Variants in COP1 observed in about 807,000 individuals in gnomAD.
The protein encoded by COP1 is E3 ubiquitin-protein ligase COP1.
Under a neutral mutation model 101.3 loss-of-function variants are expected in COP1, and 24 were observed. The ratio of observed to expected loss-of-function variants is 0.24; its 90% CI spans 0.17 to 0.33. COP1 has a LOEUF of 0.33. Among genes scored for constraint, COP1 ranks in the 10% least tolerant of loss-of-function variants. The pLI is 1.00. For missense variants in COP1, 663 were observed against 906.2 expected (o/e 0.73, Z 3.45); for synonymous variants, 347 against 341.9 (o/e 1.01, Z -0.17).
chr1:176,002,826 T>C (rs1389943270), intron 15 of COP1, among the ~76,000 whole-genome samples: 12 of 151,172 alleles, frequency 7.9e-5, no homozygotes, highest in South Asian at 4.2e-4. Flanking sequence ...TACGTGTGCA[T>C]GTGTCTTTAT....
At position 175,986,950 on chromosome 1, in the gene COP1, G is replaced by T. The variant is rs756790621; in HGVS notation, c.2126C>A (p.Pro709Gln). The change falls in exon 18 of 20, where the codon CCA becomes CAA. Residue 709 changes from proline to glutamine, a missense_variant. This residue lies in a region of COP1 where 209 missense variants were observed against 383.3 expected (regional missense o/e 0.55). Transcript: ENST00000367669. ...FVSAVCWRAL[P>Q]DGESNVLIAA... ...ACTGATATGAAAACTTACCCCATCT[G>T]GTAGTGCCCTCCAGCACACAGCACT... The T allele has an allele frequency of 1.3e-6, 2 of 1,591,580 alleles. No individual in the cohort carries two copies. Among genetic ancestry groups the T allele is most frequent in the Non-Finnish European group, 1.7e-6 (2 of 1,172,778 alleles).
rs1687033244 is a variant in COP1 at position 176,121,023 on chromosome 1, C to T, written c.969-4342G>A. Among the ~76,000 whole-genome samples the T allele has an allele frequency of 2.6e-5, 4 of 151,888 alleles. No individual in the cohort carries two copies. In the South Asian group the frequency reaches 8.3e-4, roughly 31 times the overall value. ...GAGAGTCCAAAATGCCATGTACTCA[C>T]ATAAAATTAGACTATTATCATTGAT... On this transcript the variant is annotated intron_variant, in intron 8 of 19. Transcript: ENST00000367669.
At chr1:176,019,801 C>G (rs1666407065) in intron 15 of COP1, among the ~76,000 whole-genome samples, 1 of 151,916 alleles carries the variant, frequency 6.6e-6, no homozygotes, top group Non-Finnish European at 1.5e-5. Flanking sequence ...GCAGAGGCTG[C>G]AGTGAGCCAA....
intron 11 of COP1, among the ~76,000 whole-genome samples, chr1:176,068,041 T>A (rs1676321656): frequency 6.6e-6 from 1 of 152,192 alleles, no homozygotes; most frequent in Non-Finnish European, 1.5e-5. Context: ...TGGTGGGGAA[T>A]GTTGGTAATG....
intron 3 of COP1, among the ~76,000 whole-genome samples, chr1:176,170,412 T>A (rs944076612): frequency 6.6e-6 from 1 of 152,244 alleles, no homozygotes; most frequent in Non-Finnish European, 1.5e-5. Flanking sequence ...CCTTGATTTA[T>A]GGGCTACAGA....
intron 8 of COP1, among the ~76,000 whole-genome samples, chr1:176,130,020 T>C (rs1688640192): frequency 6.6e-6 from 1 of 151,694 alleles, no homozygotes. Context: ...AATAATAAAC[T>C]AAATAATATT....
chr1:176,010,274 T>G (rs1664412805), intron 15 of COP1, among the ~76,000 whole-genome samples: 1 of 152,122 alleles, frequency 6.6e-6, no homozygotes, highest in Non-Finnish European at 1.5e-5. Flanking sequence ...ACAAAACCTT[T>G]CCTATGTACA....
At chr1:176,093,736 A>G (rs1681786515) in intron 9 of COP1, among the ~76,000 whole-genome samples, 1 of 152,190 alleles carries the variant, frequency 6.6e-6, no homozygotes, top group Non-Finnish European at 1.5e-5. Flanking sequence ...GCTACTTGGG[A>G]GGCTCAGGCA....
chr1:176,006,998 G>C (rs1001070858), intron 15 of COP1, among the ~76,000 whole-genome samples: 1 of 152,098 alleles, frequency 6.6e-6, no homozygotes, highest in Admixed American at 6.6e-5. Flanking sequence ...ATCAGATGTA[G>C]ATTTGGTCTT....
At chr1:176,060,338 T>A (rs568244931) in intron 11 of COP1, among the ~76,000 whole-genome samples, 5 of 152,302 alleles carry the variant, frequency 3.3e-5, no homozygotes, top group African/African-American at 1.2e-4. Flanking sequence ...CCCTTTAAAA[T>A]CAATATACTT....
chr1:176,187,401 ACGTG>A (rs778927808), intron 1 of COP1, among the ~76,000 whole-genome samples: 11 of 54,326 alleles, frequency 2.0e-4, no homozygotes, highest in Non-Finnish European at 3.3e-4. Context: ...ATATAAATAT[ACGTG>A]TGTGTGTGTG....
intron 3 of COP1, among the ~76,000 whole-genome samples, chr1:176,172,856 G>T (rs1696293664): frequency 6.6e-6 from 1 of 152,170 alleles, no homozygotes; most frequent in Non-Finnish European, 1.5e-5. Flanking sequence ...TAAGACCTTA[G>T]GATTTGGCTA....
chr1:176,165,741 G>A (rs1695036012), intron 3 of COP1, among the ~76,000 whole-genome samples: 1 of 152,024 alleles, frequency 6.6e-6, no homozygotes, highest in African/African-American at 2.4e-5. Flanking sequence ...GCTAAAACAA[G>A]GGTCAGAGTG....
intron 1 of COP1, among the ~76,000 whole-genome samples, chr1:176,203,883 GAGA>G (rs1308822888): frequency 1.3e-5 from 2 of 152,146 alleles, no homozygotes; most frequent in African/African-American, 2.4e-5. Flanking sequence ...TCAAGGAGGG[GAGA>G]AGGACAGGTC....
At chr1:176,090,878 G>A (rs1681153198) in intron 9 of COP1, among the ~76,000 whole-genome samples, 1 of 152,118 alleles carries the variant, frequency 6.6e-6, no homozygotes, top group Admixed American at 6.5e-5. Flanking sequence ...AAACAGACAT[G>A]AATACACAGA....
intron 3 of COP1, among the ~76,000 whole-genome samples, chr1:176,175,495 C>T (rs572542264): frequency 9.2e-5 from 14 of 152,212 alleles, no homozygotes; most frequent in African/African-American, 3.4e-4. Flanking sequence ...AACTTAGATC[C>T]CTTGCATGTG....
chr1:176,184,046 T>C (rs1485953662), intron 2 of COP1, among the ~76,000 whole-genome samples: 1 of 151,994 alleles, frequency 6.6e-6, no homozygotes, highest in East Asian at 1.9e-4. Flanking sequence ...TACTGCACTG[T>C]TTACATAACT....
At chr1:175,987,545 A>G (rs1657414759) in intron 17 of COP1, among the ~76,000 whole-genome samples, 1 of 152,178 alleles carries the variant, frequency 6.6e-6, no homozygotes, top group Admixed American at 6.5e-5. Context: ...ACACAGGCAG[A>G]TTTTCATAGC....
At chr1:176,150,744 A>C (rs1471523065) in intron 5 of COP1, among the ~76,000 whole-genome samples, 1 of 152,232 alleles carries the variant, frequency 6.6e-6, no homozygotes, top group Non-Finnish European at 1.5e-5. Context: ...TAACTAGAAT[A>C]TGTAAATATG....
Sources: allele counts gnomAD v4.1 joint callset (sites outside exome capture counted in the v4.1 genomes callset), GRCh38; gene constraint gnomAD v4.1.1; regional missense constraint gnomAD v4.1.1; transcripts MANE v1.5; gene names NCBI Gene and HGNC (gene_info 2026-07-23, HGNC 2026-07-21).